The following BABAM2 variants were observed in gnomAD, a reference collection of about 807,000 sequenced individuals.
The protein encoded by BABAM2 is BRISC and BRCA1 A complex member 2, also known as BRISC and BRCA1-A complex member 2.
Under a neutral mutation model 54.7 loss-of-function variants are expected in BABAM2, and 31 were observed. The ratio of observed to expected loss-of-function variants is 0.57; its 90% CI spans 0.43 to 0.77. BABAM2 has a LOEUF of 0.77. Ranked by LOEUF, BABAM2 falls within the 30% of genes least tolerant of loss-of-function variation. The pLI, the probability that BABAM2 is intolerant of heterozygous loss-of-function variation, is 0.00. For missense variants in BABAM2, 364 were observed against 455.8 expected (o/e 0.80, Z 1.83); for synonymous variants, 167 against 162.9 (o/e 1.03, Z -0.19).
Position 28,033,474 on chromosome 2 carries a change from A to G in BABAM2, c.495+8054A>G, listed in dbSNP as rs571265115. ...TGGGGACTCTGTGCAGAGTCCTGAG[A>G]TGGTGCAAGGCATCACATGGCGAGA... is the stretch of plus-strand genomic sequence containing the variant. On this transcript the variant is annotated intron_variant, in intron 5 of 11. Coordinates refer to ENST00000379624, the MANE Select transcript of BABAM2 (RefSeq NM_199191.3). Among the ~76,000 whole-genome samples the G allele has an allele frequency of 1.2e-4, 18 of 152,240 alleles. No individual in the cohort carries two copies. The South Asian group carries it at 2.9e-3, about 25-fold the overall frequency.
At chr2:28,299,661 CCT>C (rs1287695044) in intron 11 of BABAM2, among the ~76,000 whole-genome samples, 1 of 152,090 alleles carries the variant, frequency 6.6e-6, no homozygotes, top group Non-Finnish European at 1.5e-5. Flanking sequence ...AGAAATTGTC[CCT>C]GTCTTCATGG....
At chr2:28,178,074 G>A (rs1476939499) in intron 7 of BABAM2, among the ~76,000 whole-genome samples, 1 of 152,080 alleles carries the variant, frequency 6.6e-6, no homozygotes, top group Non-Finnish European at 1.5e-5. Context: ...CCCACTTTCA[G>A]CATTAGACAT....
intron 10 of BABAM2, among the ~76,000 whole-genome samples, chr2:28,294,862 C>G (rs1687556850): frequency 6.6e-6 from 1 of 152,178 alleles, no homozygotes; most frequent in Non-Finnish European, 1.5e-5. Context: ...ACTGTTCCTG[C>G]TCCCCTAATA....
intron 3 of BABAM2, among the ~76,000 whole-genome samples, chr2:27,979,538 A>G (rs920326324): frequency 1.1e-4 from 16 of 152,100 alleles, no homozygotes; most frequent in Non-Finnish European, 2.4e-4. Flanking sequence ...GAAATCTCCA[A>G]ACTGCTTTCC....
rs1010834379 is a variant in BABAM2, at chr2:28,322,875, A to G, written c.1089-15575A>G. Among the ~76,000 whole-genome samples, 2 of 152,256 alleles carry G rather than the reference A, an allele frequency of 1.3e-5. No homozygotes were observed. Among genetic ancestry groups the G allele is most frequent in the Non-Finnish European group, 2.9e-5 (2 of 68,042 alleles). ...TCCCCCAATGAAAGGCCTTGTATAA[A>G]TGTAAATTATCATTATTGTCATTAA... On this transcript the variant is annotated intron_variant, in intron 11 of 11. Coordinates refer to ENST00000379624, the MANE Select transcript of BABAM2 (RefSeq NM_199191.3). This position sits in a 1 kb window ranked among gnomAD's most constrained non-coding sequence, Gnocchi z 4.1.
At chr2:27,944,171 G>A (rs569694156) in intron 3 of BABAM2, among the ~76,000 whole-genome samples, 2 of 151,688 alleles carry the variant, frequency 1.3e-5, no homozygotes, top group African/African-American at 4.8e-5. Flanking sequence ...TTATTTTATC[G>A]ACACAATAAC....
intron 10 of BABAM2, among the ~76,000 whole-genome samples, chr2:28,286,009 G>T (rs914123504): frequency 2.0e-5 from 3 of 149,716 alleles, no homozygotes; most frequent in Non-Finnish European, 4.4e-5. Flanking sequence ...AGGCTGGAGT[G>T]CAGTGGTACA....
At chr2:27,958,508 A>G (rs1030711082) in intron 3 of BABAM2, among the ~76,000 whole-genome samples, 8 of 149,484 alleles carry the variant, frequency 5.4e-5, no homozygotes, top group African/African-American at 2.0e-4. Flanking sequence ...TATATATAAC[A>G]TATATACATA....
In BABAM2 at chr2:28,150,109, T is replaced by C. The variant is rs149040046; in HGVS notation, c.680+20729T>C. On this transcript the variant is annotated intron_variant, in intron 7 of 11. Coordinates refer to ENST00000379624, the MANE Select transcript of BABAM2 (RefSeq NM_199191.3). ...AGCTCATGCAAACCAGACACTGTACTAGGTGCTTTGCATATAGAATCTCAT... is the reference window on the plus strand; with the variant it reads ...AGCTCATGCAAACCAGACACTGTACCAGGTGCTTTGCATATAGAATCTCAT... 9.0e-3 allele frequency among the ~76,000 whole-genome samples: 1,373 copies of C among 152,314 alleles called. 23 individuals carry two copies. Among genetic ancestry groups the C allele is most frequent in the African/African-American group, 0.032 (1,310 of 41,578 alleles).
rs1054962544 is a variant in BABAM2 at position 27,995,817 on chromosome 2, T to A, written c.300+7730T>A. Among the ~76,000 whole-genome samples, 3 of 152,126 alleles carry A rather than the reference T, an allele frequency of 2.0e-5. No individual in the cohort carries two copies. The highest frequency in any genetic ancestry group is 7.2e-5 in the African/African-American group (3 of 41,430). On this transcript the variant is annotated intron_variant, in intron 4 of 11. Transcript: ENST00000379624. This position sits in a 1 kb window ranked among gnomAD's most constrained non-coding sequence, Gnocchi z 4.1. Reference sequence around the variant, plus strand: ...GGATGGTCTCCATCTCCTGACCTCATGATCTGCCCACCTCGGCCTCCCAAA... The same window carrying A: ...GGATGGTCTCCATCTCCTGACCTCAAGATCTGCCCACCTCGGCCTCCCAAA...
chr2:28,298,718 C>CA (rs1253247882), intron 11 of BABAM2, among the ~76,000 whole-genome samples: 7 of 152,130 alleles, frequency 4.6e-5, no homozygotes, highest in Non-Finnish European at 7.4e-5. Context: ...GCCTAGAAAA[C>CA]AAAAAATATT....
At chr2:27,952,661 T>A (rs1479597580) in intron 3 of BABAM2, among the ~76,000 whole-genome samples, 2 of 152,214 alleles carry the variant, frequency 1.3e-5, no homozygotes, top group Admixed American at 1.3e-4. Context: ...GCATAAGACC[T>A]TTTGGGACAT....
intron 6 of BABAM2, among the ~76,000 whole-genome samples, chr2:28,087,576 T>A (rs1279188722): frequency 6.6e-6 from 1 of 152,158 alleles, no homozygotes; most frequent in East Asian, 1.9e-4. Flanking sequence ...CACAGATTTT[T>A]ACTCCTCTTT....
At chr2:27,909,264 C>T (rs1445959511) in intron 2 of BABAM2, among the ~76,000 whole-genome samples, 6 of 152,076 alleles carry the variant, frequency 3.9e-5, no homozygotes, top group African/African-American at 9.7e-5. Flanking sequence ...AGATTGATCT[C>T]GAACTCCTGG....
intron 7 of BABAM2, among the ~76,000 whole-genome samples, chr2:28,208,629 CTCTT>C (rs1335983739): frequency 3.3e-5 from 5 of 151,608 alleles, no homozygotes; most frequent in South Asian, 4.2e-4. Flanking sequence ...CCCTCCCTTC[CTCTT>C]TCTTTCTTTC....
At position 28,026,932 on chromosome 2, in the gene BABAM2, A is replaced by G. The variant is rs1228194858; in HGVS notation, c.495+1512A>G. On this transcript the variant is annotated intron_variant, in intron 5 of 11. Transcript: ENST00000379624. Reference sequence around the variant, plus strand: ...AATATATATTAATATATATAAATATATATATAAATATATATTAATATATAT... The same window carrying G: ...AATATATATTAATATATATAAATATGTATATAAATATATATTAATATATAT... 1.8e-4 allele frequency among the ~76,000 whole-genome samples: 2 copies of G among 11,066 alleles called. 1 individual carries two copies. Among genetic ancestry groups the G allele is most frequent in the East Asian group, 0.026 (2 of 78 alleles). The allele number at this position is 11,066 out of a possible 152,430, so 7.3% of individuals were successfully genotyped here.
At chr2:28,046,766 A>AT (rs143031001) in intron 6 of BABAM2, among the ~76,000 whole-genome samples, 10,383 of 151,580 alleles carry the variant, frequency 0.068, 547 homozygotes, top group African/African-American at 0.15. Flanking sequence ...AGGTTAGGGA[A>AT]TTTTTTTTAA....
At chr2:28,253,620 C>T (rs1458080641) in intron 10 of BABAM2, among the ~76,000 whole-genome samples, 1 of 152,150 alleles carries the variant, frequency 6.6e-6, no homozygotes, top group Non-Finnish European at 1.5e-5. Flanking sequence ...AACTACATTA[C>T]TCTGCTGTTT....
At chr2:28,252,121 G>T (rs1683545843) in intron 10 of BABAM2, among the ~76,000 whole-genome samples, 1 of 151,898 alleles carries the variant, frequency 6.6e-6, no homozygotes, top group Non-Finnish European at 1.5e-5. Flanking sequence ...GGGAGGTGGA[G>T]GTTGCAGTGA....
Sources: allele counts gnomAD v4.1 joint callset (sites outside exome capture counted in the v4.1 genomes callset), GRCh38; gene constraint gnomAD v4.1.1; non-coding constraint Gnocchi (gnomAD v3.1); transcripts MANE v1.5; gene names NCBI Gene and HGNC (gene_info 2026-07-23, HGNC 2026-07-21).